ELMO1: variants seen among roughly 807,000 people sequenced by gnomAD.
ELMO1 encodes engulfment and cell motility 1.
A neutral mutation model predicts 98.9 loss-of-function variants in ELMO1; 26 were observed. That is an observed-to-expected ratio of 0.26 (90% CI 0.19 to 0.36). The LOEUF (loss-of-function observed/expected upper bound fraction) is 0.36, where lower values mean the gene tolerates loss of function less well. Ranked by LOEUF, ELMO1 falls within the 10% of genes least tolerant of loss-of-function variation. ELMO1 has a pLI of 1.00. For missense variants in ELMO1, 627 were observed against 935.2 expected, an observed-to-expected ratio of 0.67 and a Z score of 4.30; for synonymous variants, 346 against 346.0, an observed-to-expected ratio of 1.00 and a Z score of 0.00.
intron 16 of ELMO1, among the ~76,000 whole-genome samples, chr7:36,978,980 T>C (rs899455318): frequency 2.6e-5 from 4 of 152,220 alleles, no homozygotes; most frequent in Non-Finnish European, 5.9e-5. Context: ...AAGATCTATA[T>C]TTTTATCCAG....
At chr7:36,967,097 G>A (rs1383762696) in intron 16 of ELMO1, among the ~76,000 whole-genome samples, 5 of 152,280 alleles carry the variant, frequency 3.3e-5, no homozygotes, top group African/African-American at 9.6e-5. Flanking sequence ...TATAACAAAC[G>A]CCTCTGGTCT....
At chr7:37,259,444 C>T (rs1795867593) in intron 5 of ELMO1, 94 bp from the exon 6 acceptor site, 1 of 1,433,916 alleles carries the variant, frequency 7.0e-7, no homozygotes, top group Non-Finnish European at 9.6e-7. Flanking sequence ...GATACAAAAG[C>T]CAAAAGCGCA....
At chr7:37,404,545 A>G (rs1803673534) in intron 1 of ELMO1, among the ~76,000 whole-genome samples, 1 of 152,176 alleles carries the variant, frequency 6.6e-6, no homozygotes, top group African/African-American at 2.4e-5. Context: ...CCTGGTATAT[A>G]ATAAATTCCC....
intron 14 of ELMO1, among the ~76,000 whole-genome samples, chr7:37,112,873 C>T (rs2129278097): frequency 6.6e-6 from 1 of 152,248 alleles, no homozygotes; most frequent in South Asian, 2.1e-4. Context: ...TACAAAGGGA[C>T]ATTTGGGAAC....
intron 2 of ELMO1, among the ~76,000 whole-genome samples, chr7:37,318,832 C>T (rs973919189): frequency 3.3e-5 from 5 of 152,174 alleles, no homozygotes; most frequent in Non-Finnish European, 7.3e-5. Context: ...TTTCACCGGT[C>T]TTACTTTCCT....
chr7:37,171,223 A>T (rs916271549), intron 13 of ELMO1, among the ~76,000 whole-genome samples: 4 of 152,198 alleles, frequency 2.6e-5, no homozygotes, highest in East Asian at 1.9e-4. Flanking sequence ...AATATATTTT[A>T]AAAATATATT....
At chr7:36,878,390 C>T (rs741301) in intron 18 of ELMO1, among the ~76,000 whole-genome samples, 89,736 of 151,862 alleles carry the variant, frequency 0.59, 27,490 homozygotes, top group Non-Finnish European at 0.67. Flanking sequence ...GAGGTGGTGG[C>T]TTCCAGAGGT....
intron 16 of ELMO1, among the ~76,000 whole-genome samples, chr7:36,956,935 T>G (rs1039152569): frequency 6.6e-6 from 1 of 152,182 alleles, no homozygotes; most frequent in African/African-American, 2.4e-5. Context: ...AAGTCCAAAA[T>G]GCTCAGTGGC....
At chr7:37,097,118 A>T (rs1328159166) in intron 14 of ELMO1, among the ~76,000 whole-genome samples, 4 of 152,188 alleles carry the variant, frequency 2.6e-5, no homozygotes, top group Non-Finnish European at 5.9e-5. Context: ...AAACTTCAAT[A>T]GGATATTTTC....
intron 15 of ELMO1, among the ~76,000 whole-genome samples, chr7:37,049,272 C>T (rs1423389051): frequency 6.6e-6 from 1 of 152,122 alleles, no homozygotes; most frequent in African/African-American, 2.4e-5. Context: ...TGGGACTCCC[C>T]AGGCCCTTTC....
intron 4 of ELMO1, among the ~76,000 whole-genome samples, chr7:37,301,185 A>T (rs1798323123): frequency 6.6e-6 from 1 of 152,034 alleles, no homozygotes; most frequent in Non-Finnish European, 1.5e-5. Flanking sequence ...AATAAAGGAG[A>T]TGGTAGTGAG....
chr7:37,004,494 A>T (rs983334462), intron 16 of ELMO1, among the ~76,000 whole-genome samples: 1 of 152,200 alleles, frequency 6.6e-6, no homozygotes, highest in African/African-American at 2.4e-5. Context: ...CAGAAGAACA[A>T]ATCAATTATT....
intron 1 of ELMO1, among the ~76,000 whole-genome samples, chr7:37,360,118 T>G (rs1449157191): frequency 6.6e-6 from 1 of 152,190 alleles, no homozygotes; most frequent in Non-Finnish European, 1.5e-5. Flanking sequence ...TGGATAAACT[T>G]TGTGTGAGTT....
chr7:37,305,182 T>C (rs1292156003), intron 4 of ELMO1, among the ~76,000 whole-genome samples: 1 of 152,142 alleles, frequency 6.6e-6, no homozygotes, highest in Non-Finnish European at 1.5e-5. Flanking sequence ...TAGCCTAGGG[T>C]GAAATAAAGT....
intron 20 of ELMO1, among the ~76,000 whole-genome samples, chr7:36,864,638 GCCACCTGT>G (rs1410551707): frequency 6.6e-6 from 1 of 152,198 alleles, no homozygotes; most frequent in African/African-American, 2.4e-5. Context: ...TCCAGAAACT[GCCACCTGT>G]CCACACTGTC....
At chr7:36,871,615 T>G (rs1803512494) in intron 19 of ELMO1, among the ~76,000 whole-genome samples, 1 of 152,188 alleles carries the variant, frequency 6.6e-6, no homozygotes, top group African/African-American at 2.4e-5. Context: ...CTCTTAATGA[T>G]GAAGATGATG....
intron 5 of ELMO1, among the ~76,000 whole-genome samples, chr7:37,259,844 A>G (rs925352020): frequency 2.0e-5 from 3 of 152,196 alleles, no homozygotes; most frequent in African/African-American, 7.2e-5. Flanking sequence ...CACCCAAATG[A>G]TCTTTCTAGG....
chr7:37,332,719 C>T (rs1800200773), intron 2 of ELMO1, among the ~76,000 whole-genome samples: 2 of 152,192 alleles, frequency 1.3e-5, no homozygotes, highest in Admixed American at 1.3e-4. Context: ...CGTTGGGGAA[C>T]TCCAGAGTGG....
rs376004668 is a variant in ELMO1, at chr7:37,314,870, T to A, written c.172A>T (p.Asn58Tyr). The A allele has an allele frequency of 2.4e-5, 39 of 1,613,652 alleles. No homozygotes were observed. The highest frequency in any genetic ancestry group is 3.3e-4 in the Middle Eastern group (2 of 6,050). ...YFALQHADSS[N>Y]FYITEKNRNE... Reference sequence around the variant, plus strand: ...CCTACCTTTTCTGTGATATAGAAGTTTGAACTATCGGCATGCTGGAGTGCA... The same window carrying A: ...CCTACCTTTTCTGTGATATAGAAGTATGAACTATCGGCATGCTGGAGTGCA... Residue 58 changes from asparagine to tyrosine, a missense_variant, in exon 4 of 22, where the codon AAC becomes TAC. Transcript: ENST00000310758.
Sources: gnomAD v4.1 joint callset for allele counts (sites outside exome capture counted in the v4.1 genomes callset) on GRCh38, gnomAD v4.1.1 for gene constraint, MANE v1.5 for transcripts, NCBI Gene and HGNC (gene_info 2026-07-23, HGNC 2026-07-21) for gene names.